Variants in CTSE observed in about 807,000 individuals in gnomAD.
The protein encoded by CTSE is erythrocyte membrane aspartic proteinase.
In CTSE, 43 loss-of-function variants were observed where a neutral mutation model predicts 42.8. That is an observed-to-expected ratio of 1.01 (90% CI 0.79 to 1.30). The LOEUF (loss-of-function observed/expected upper bound fraction) is 1.30, where lower values mean the gene tolerates loss of function less well. Among genes scored for constraint, CTSE ranks in the 50% most tolerant of loss-of-function variants. CTSE has a pLI of 0.00. For synonymous variants in CTSE, 205 were observed against 191.5 expected (o/e 1.07, Z -0.58); for missense variants, 532 against 493.5 (o/e 1.08, Z -0.74).
rs184867516 is a variant in CTSE, at chr1:206,016,285, A to C, written c.463-155T>G. On this transcript the variant is annotated intron_variant, in intron 4 of 8. Coordinates refer to ENST00000358184, the MANE Select transcript of CTSE (RefSeq NM_001910.4). ...GCACAAAGATGCTTGCTATATTCCCAAAAAACAGGACATTCCAAACCTCAG... is the reference window on the plus strand; with the variant it reads ...GCACAAAGATGCTTGCTATATTCCCCAAAAACAGGACATTCCAAACCTCAG... The C allele has an allele frequency of 5.8e-4, 393 of 680,012 alleles. 2 individuals carry two copies. The highest frequency in any genetic ancestry group is 3.9e-3 in the Admixed American group (145 of 37,474). The allele number at this position is 680,012 out of a possible 1,614,324, so 42.1% of individuals were successfully genotyped here. A position where few individuals can be genotyped will look rare whatever the true frequency, so the allele number is the denominator to read the frequency against.
In CTSE at chr1:206,009,916, A is replaced by T; in HGVS notation, c.*267T>A. The T allele has an allele frequency of 2.3e-6, 1 of 441,402 alleles. No individual in the cohort carries two copies. The highest frequency in any genetic ancestry group is 4.1e-6 in the Non-Finnish European group (1 of 244,308). The allele number at this position is 441,402 out of a possible 1,614,324, so 27.3% of individuals were successfully genotyped here. On this transcript the variant is annotated 3_prime_UTR_variant, in exon 9 of 9. Transcript: ENST00000358184. Reference sequence around the variant, plus strand: ...TCAAATGTGAAAATTTTTGATTTTCATAATCAAAAATCAATACAAAATATG... The same window carrying T: ...TCAAATGTGAAAATTTTTGATTTTCTTAATCAAAAATCAATACAAAATATG...
In CTSE at chr1:206,021,184, T is replaced by G. The variant is rs1661408733; in HGVS notation, c.344-17A>C. ...TGTGCGTCTCTGGAAAGAAGTGCAC[T>G]GCTCTTGCTTATGCCATCGGCTCAC... On this transcript the variant is annotated splice_polypyrimidine_tract_variant and intron_variant, in intron 3 of 8. Transcript: ENST00000358184. 6.4e-7 allele frequency: 1 copy of G among 1,573,108 alleles called. No individual in the cohort carries two copies. Among genetic ancestry groups the G allele is most frequent in the Middle Eastern group, 1.7e-4 (1 of 5,992 alleles).
In CTSE at chr1:206,012,524, G is replaced by T. The variant is rs782420316; in HGVS notation, c.911C>A (p.Ala304Asp). ...IKQLQNAIGAAPVDGEYAVEC... is the reference protein window; with the variant it reads ...IKQLQNAIGADPVDGEYAVEC... Reference sequence around the variant, plus strand: ...GGCACTCACTTCTCCATCCACGGGGGCTGCCCCAATGGCGTTTTGCAGCTG... The same window carrying T: ...GGCACTCACTTCTCCATCCACGGGGTCTGCCCCAATGGCGTTTTGCAGCTG... Residue 304 changes from alanine to aspartate, a missense_variant, in exon 7 of 9, where the codon GCC becomes GAC. Physicochemically the swap from Ala to Asp is moderately radical, Grantham distance 126. Coordinates refer to ENST00000358184, the MANE Select transcript of CTSE (RefSeq NM_001910.4). The T allele has an allele frequency of 6.2e-7, 1 of 1,613,888 alleles. No individual in the cohort carries two copies. Among genetic ancestry groups the T allele is most frequent in the Non-Finnish European group, 8.5e-7 (1 of 1,179,952 alleles).
chr1:206,013,870 G>A lies in CTSE; in HGVS notation c.687C>T (p.Ser229=), dbSNP rs139236602. ...GGTCGTAGCCTCCAAAAATCAGCTC[G>A]CTCCCCGCACCACCTTCTGGGTTAC... The part of the protein sequence containing the change: ...MSSNPEGGAG[S]ELIFGGYDHS... The change falls in exon 6 of 9, where the codon AGC becomes AGT. Residue 229 remains serine (S), a synonymous_variant. Transcript: ENST00000358184. 783 of 1,613,588 alleles carry A rather than the reference G, an allele frequency of 4.9e-4. 6 individuals are homozygous for A. The highest frequency in any genetic ancestry group is 6.2e-4 in the Non-Finnish European group (735 of 1,179,738).
intron 2 of CTSE, among the ~76,000 whole-genome samples, chr1:206,022,635 T>C (rs1156887923): frequency 6.6e-6 from 1 of 152,024 alleles, no homozygotes; most frequent in African/African-American, 2.4e-5. Context: ...GCTGCCCAGC[T>C]GAGAGCAGAA....
At chr1:206,021,332 TTTC>T (rs782751070) in intron 3 of CTSE, 165 bp from the exon 4 acceptor site, 28 of 625,672 alleles carry the variant, frequency 4.5e-5, no homozygotes, top group Non-Finnish European at 6.5e-5. Flanking sequence ...AACAACTACA[TTTC>T]CCTCTAGCTA....
chr1:206,019,648 A>T (rs529318060), intron 4 of CTSE, among the ~76,000 whole-genome samples: 1 of 150,852 alleles, frequency 6.6e-6, no homozygotes, highest in South Asian at 2.1e-4. Context: ...TTAGGGATGT[A>T]GCCTTCAAAA....
intron 8 of CTSE, 127 bp downstream of exon 8, chr1:206,012,181 A>G (rs1057054869): frequency 1.4e-6 from 1 of 733,286 alleles, no homozygotes; most frequent in East Asian, 2.7e-5. Context: ...GGAATGCCAC[A>G]TGAGAGCAGA....
At chr1:206,023,480 CA>C (rs1222453023) in intron 1 of CTSE, among the ~76,000 whole-genome samples, 1 of 151,934 alleles carries the variant, frequency 6.6e-6, no homozygotes, top group Non-Finnish European at 1.5e-5. Context: ...TTTTGCAACA[CA>C]AGAAGACCCC....
chr1:206,011,326 C>A (rs538699361), intron 8 of CTSE, among the ~76,000 whole-genome samples: 1 of 151,980 alleles, frequency 6.6e-6, no homozygotes, highest in Non-Finnish European at 1.5e-5. Context: ...GGCTCTCCAG[C>A]GCCTGGAGCA....
intron 1 of CTSE, among the ~76,000 whole-genome samples, 177 bp from the exon 2 acceptor site, chr1:206,023,234 C>T (rs1014689359): frequency 1.3e-5 from 2 of 151,920 alleles, no homozygotes; most frequent in African/African-American, 4.8e-5. Flanking sequence ...GCCTGCCCGG[C>T]CTCATCTCTG....
At position 206,010,015 on chromosome 1, in the gene CTSE, ATGTG is replaced by A. The variant is rs373750948; in HGVS notation, c.*164_*167del. On this transcript the variant is annotated 3_prime_UTR_variant, in exon 9 of 9. Coordinates refer to ENST00000358184, the MANE Select transcript of CTSE (RefSeq NM_001910.4). ...ATGTGTGAAGTGTGTGTGTGTGTAT[ATGTG>A]TGTGTGTGTGTGTATTCTCATGTTC... The A allele has an allele frequency of 2.4e-5, 15 of 633,340 alleles. No individual in the cohort carries two copies. The highest frequency in any genetic ancestry group is 3.4e-5 in the Non-Finnish European group (12 of 356,428). The allele number at this position is 633,340 out of a possible 1,614,324, so 39.2% of individuals were successfully genotyped here.
chr1:206,023,041 GC>G lies in CTSE; in HGVS notation c.84del (p.Arg28SerfsTer26). 6.2e-7 allele frequency: 1 copy of G among 1,612,916 alleles called. No homozygotes were observed. Among genetic ancestry groups the G allele is most frequent in the East Asian group, 2.2e-5 (1 of 44,814 alleles). On this transcript the variant is annotated frameshift_variant, in exon 2 of 9. Transcript: ENST00000358184. LOFTEE classifies it high-confidence loss of function. ...QGSLHRVPLR[R>X]HPSLKKKLRA... ...CGCAGCTTCTTCTTGAGGGACGGAT[GC>G]CTCCTGAGGGGCACCCTGGAGACAA...
chr1:206,020,179 A>T (rs1180674329), intron 4 of CTSE, among the ~76,000 whole-genome samples: 2 of 148,154 alleles, frequency 1.3e-5, no homozygotes, highest in African/African-American at 4.9e-5. Flanking sequence ...TATGGATATT[A>T]TATATTATAT....
chr1:206,013,534 G>A (rs1553277351), intron 6 of CTSE, among the ~76,000 whole-genome samples: 1 of 151,992 alleles, frequency 6.6e-6, no homozygotes, highest in Non-Finnish European at 1.5e-5. Flanking sequence ...CTGTGCACTG[G>A]TATTGACTGT....
At position 206,010,039 on chromosome 1, in the gene CTSE, A is replaced by T. The variant is rs143795869; in HGVS notation, c.*144T>A. ...TATGTGTGTGTGTGTGTGTATTCTC[A>T]TGTTCTGTTTGGTCTTAATTCAAGT... On this transcript the variant is annotated 3_prime_UTR_variant, in exon 9 of 9. Coordinates refer to ENST00000358184, the MANE Select transcript of CTSE (RefSeq NM_001910.4). The T allele has an allele frequency of 2.7e-3, 2,235 of 816,326 alleles. 22 individuals carry two copies. Among genetic ancestry groups the T allele is most frequent in the African/African-American group, 0.017 (1,004 of 59,942 alleles). 50.6% of individuals were successfully genotyped at this position (816,326 alleles called of 1,614,324 possible).
Position 206,012,372 on chromosome 1 carries a change from G to A in CTSE, c.962C>T (p.Pro321Leu), listed in dbSNP as rs144940381. 18 of 1,613,962 alleles carry A rather than the reference G, an allele frequency of 1.1e-5. No individual in the cohort carries two copies. The highest frequency in any genetic ancestry group is 1.6e-4 in the Middle Eastern group (1 of 6,062). The change falls in exon 8 of 9, where the codon CCG becomes CTG. Residue 321 changes from proline to leucine, a missense_variant. By Grantham distance (98) the Pro-to-Leu change is moderately conservative. Coordinates refer to ENST00000358184, the MANE Select transcript of CTSE (RefSeq NM_001910.4). ...AVECANLNVM[P>L]DVTFTINGVP... ...TCCGTTAATGGTGAAGGTGACATCC[G>A]GCATGACGTTAAGGTTGGCACACTC...
rs1661018837 is a variant in CTSE at position 206,009,405 on chromosome 1, A to G, written c.*778T>C. 6.6e-6 allele frequency: 1 copy of G among 152,114 alleles called. No homozygotes were observed. The highest frequency in any genetic ancestry group is 1.5e-5 in the Non-Finnish European group (1 of 68,030). The allele number at this position is 152,114 out of a possible 1,614,324, so 9.4% of individuals were successfully genotyped here. ...AAGAAGTACCCAGCACCACCTAGGA[A>G]GTATTTTTGCCACAAAATCAGACCT... is the stretch of plus-strand genomic sequence containing the variant. On this transcript the variant is annotated 3_prime_UTR_variant, in exon 9 of 9. Coordinates refer to ENST00000358184, the MANE Select transcript of CTSE (RefSeq NM_001910.4).
At chr1:206,013,935 GC>G in intron 5 of CTSE, 41 bp from the exon 6 acceptor site, 1 of 1,608,666 alleles carries the variant, frequency 6.2e-7, no homozygotes, top group African/African-American at 1.3e-5. Flanking sequence ...AAGGGCCACT[GC>G]AAAACTCTAG....
Sources: gnomAD v4.1 joint callset for allele counts (sites outside exome capture counted in the v4.1 genomes callset) on GRCh38, gnomAD v4.1.1 for gene constraint, MANE v1.5 for transcripts, NCBI Gene and HGNC (gene_info 2026-07-23, HGNC 2026-07-21) for gene names.